The following CDH7 variants were observed in gnomAD, a reference collection of about 807,000 sequenced individuals.
CDH7 encodes the protein cadherin 7, also known as cadherin-7.
A neutral mutation model predicts 71.8 loss-of-function variants in CDH7; 25 were observed. The ratio of observed to expected loss-of-function variants is 0.35; its 90% CI spans 0.25 to 0.49. CDH7 has a LOEUF of 0.49. CDH7 is among the 20% of genes least tolerant of loss of function. CDH7 has a pLI of 0.99. For synonymous variants in CDH7, 381 were observed against 363.8 expected, an observed-to-expected ratio of 1.05 and a Z score of -0.54; for missense variants, 862 against 974.6, an observed-to-expected ratio of 0.88 and a Z score of 1.54.
intron 2 of CDH7, among the ~76,000 whole-genome samples, chr18:65,785,682 A>C (rs1236189351): frequency 6.6e-6 from 1 of 152,098 alleles, no homozygotes; most frequent in Non-Finnish European, 1.5e-5. Context: ...TATTTTCCTA[A>C]TGACATTAGT....
intron 6 of CDH7, among the ~76,000 whole-genome samples, chr18:65,842,141 C>A (rs1568214432): frequency 6.6e-6 from 1 of 152,092 alleles, no homozygotes; most frequent in Non-Finnish European, 1.5e-5. Context: ...GTTCAATTTT[C>A]AGCCTCTTGT....
intron 2 of CDH7, among the ~76,000 whole-genome samples, chr18:65,781,872 CT>C (rs1910246235): frequency 2.5e-5 from 2 of 80,966 alleles, no homozygotes; most frequent in African/African-American, 5.4e-5. Context: ...CTTTCTCTCT[CT>C]CTCTCTGTCT....
chr18:65,854,920 C>CGTATATATAT lies in CDH7; in HGVS notation c.1236-2896_1236-2895insGTATATATAT, dbSNP rs61208244. Among the ~76,000 whole-genome samples, 564 of 145,490 alleles carry CGTATATATAT rather than the reference C, an allele frequency of 3.9e-3. 3 individuals are homozygous for CGTATATATAT. Among genetic ancestry groups the CGTATATATAT allele is most frequent in the African/African-American group, 0.013 (511 of 40,138 alleles). ...CGTATGTATGTAGTATATGTGTACACATATATATATATACACACACATATA... is the reference window on the plus strand; with the variant it reads ...CGTATGTATGTAGTATATGTGTACACGTATATATATATATATATATATACACACACATATA... On this transcript the variant is annotated intron_variant, in intron 7 of 11. Transcript: ENST00000397968.
At chr18:65,874,769 A>G (rs1023212708) in intron 11 of CDH7, among the ~76,000 whole-genome samples, 1 of 151,926 alleles carries the variant, frequency 6.6e-6, no homozygotes, top group African/African-American at 2.4e-5. Flanking sequence ...GTATATATAG[A>G]TATGTGGCCT....
At chr18:65,765,058 G>C (rs891884587) in intron 2 of CDH7, among the ~76,000 whole-genome samples, 1 of 152,004 alleles carries the variant, frequency 6.6e-6, no homozygotes, top group Non-Finnish European at 1.5e-5. Context: ...AATCAAAGAA[G>C]GTCACTTATA....
At chr18:65,854,763 C>G (rs73534501) in intron 7 of CDH7, among the ~76,000 whole-genome samples, 3,499 of 152,120 alleles carry the variant, frequency 0.023, 123 homozygotes, top group African/African-American at 0.078. Context: ...TTAATTGATG[C>G]ATGAATGTAT....
rs575696036 is a variant in CDH7 at position 65,821,837 on chromosome 18, A to C, written c.626-244A>C. On this transcript the variant is annotated intron_variant, in intron 4 of 11. Transcript: ENST00000397968. The stretch of plus-strand genomic sequence containing the variant: ...TATTTCCTTAACCACTTTTCCATGA[A>C]ACCTAAAGATAATCCTCTTTATTCA... Among the ~76,000 whole-genome samples, 7 of 152,300 alleles carry C rather than the reference A, an allele frequency of 4.6e-5. No homozygotes were observed. In the East Asian group the frequency reaches 1.3e-3, roughly 29 times the overall value.
Position 65,882,755 on chromosome 18 carries a change from C to T in CDH7, c.*1861C>T, listed in dbSNP as rs1415273497. 6.6e-6 allele frequency: 1 copy of T among 151,964 alleles called. No individual in the cohort carries two copies. The highest frequency in any genetic ancestry group is 1.5e-5 in the Non-Finnish European group (1 of 67,954). The allele number at this position is 151,964 out of a possible 1,614,324, so 9.4% of individuals were successfully genotyped here. A position where few individuals can be genotyped will look rare whatever the true frequency, so the allele number is the denominator to read the frequency against. Reference sequence around the variant, plus strand: ...AATTATAACAGTGAAAGATACTGTTCATAACTTTTAATCACACATGCAAGT... The same window carrying T: ...AATTATAACAGTGAAAGATACTGTTTATAACTTTTAATCACACATGCAAGT... On this transcript the variant is annotated 3_prime_UTR_variant, in exon 12 of 12. Transcript: ENST00000397968.
At chr18:65,753,576 T>C (rs1383716156) in intron 1 of CDH7, among the ~76,000 whole-genome samples, 1 of 152,222 alleles carries the variant, frequency 6.6e-6, no homozygotes, top group Admixed American at 6.5e-5. Context: ...GGGTTTGAGA[T>C]GGAAGCTTTT....
At chr18:65,829,670 ACT>A (rs146442046) in intron 6 of CDH7, among the ~76,000 whole-genome samples, 11,156 of 150,996 alleles carry the variant, frequency 0.074, 631 homozygotes, top group African/African-American at 0.15. Context: ...CCCTTACCAT[ACT>A]CATCTTTTGA....
At chr18:65,781,767 T>TTTCCTTCCTTCCTTCC (rs1189209857) in intron 2 of CDH7, among the ~76,000 whole-genome samples, 4 of 75,508 alleles carry the variant, frequency 5.3e-5, no homozygotes, top group South Asian at 5.3e-4. Context: ...TCTTTCTTTC[T>TTTCCTTCCTTCCTTCC]TTCCTTCCTT....
chr18:65,769,011 A>AT (rs1264315382), intron 2 of CDH7, among the ~76,000 whole-genome samples: 1 of 152,136 alleles, frequency 6.6e-6, no homozygotes. Flanking sequence ...GCATTAAAAA[A>AT]TAAACTCTTT....
chr18:65,862,121 T>C (rs2144036943), intron 10 of CDH7, among the ~76,000 whole-genome samples: 1 of 152,210 alleles, frequency 6.6e-6, no homozygotes, highest in African/African-American at 2.4e-5. Flanking sequence ...TAGCTATAAA[T>C]ACCTATATAT....
intron 11 of CDH7, among the ~76,000 whole-genome samples, chr18:65,869,396 G>C (rs1424215278): frequency 6.6e-6 from 1 of 151,996 alleles, no homozygotes; most frequent in Non-Finnish European, 1.5e-5. Flanking sequence ...AGACTCTCCA[G>C]TACCAGACAG....
At chr18:65,870,912 A>G (rs1196510858) in intron 11 of CDH7, among the ~76,000 whole-genome samples, 2 of 152,216 alleles carry the variant, frequency 1.3e-5, no homozygotes, top group Admixed American at 6.5e-5. Flanking sequence ...AGGCACATAT[A>G]GAGACAATAT....
chr18:65,797,349 T>A (rs1057462159), intron 2 of CDH7, among the ~76,000 whole-genome samples: 8 of 152,164 alleles, frequency 5.3e-5, no homozygotes. Context: ...TTTCTGCCAA[T>A]TTTATTACAT....
At chr18:65,758,081 TA>T (rs1246237232) in intron 1 of CDH7, among the ~76,000 whole-genome samples, 4 of 152,226 alleles carry the variant, frequency 2.6e-5, no homozygotes, top group Admixed American at 6.5e-5. Context: ...CATTTAAATG[TA>T]ATAAAAGTTA....
rs535537571 is a variant in CDH7 at position 65,801,789 on chromosome 18, T to C, written c.211-7915T>C. ...TACTTTAGAAAATTCTCTCTTTAGATGATACAAGTGTTGACATTTTCTCCC... is the reference window on the plus strand; with the variant it reads ...TACTTTAGAAAATTCTCTCTTTAGACGATACAAGTGTTGACATTTTCTCCC... On this transcript the variant is annotated intron_variant, in intron 2 of 11. Transcript: ENST00000397968. Among the ~76,000 whole-genome samples, 16 of 152,252 alleles carry C rather than the reference T, an allele frequency of 1.1e-4. 1 individual carries two copies. The highest frequency in any genetic ancestry group is 6.3e-3 in the Middle Eastern group (2 of 316).
intron 7 of CDH7, among the ~76,000 whole-genome samples, chr18:65,852,457 A>G (rs948854284): frequency 2.6e-5 from 4 of 152,106 alleles, no homozygotes; most frequent in Non-Finnish European, 5.9e-5. Context: ...TGCCATCAAG[A>G]GCCTTCACTT....
Sources: allele counts gnomAD v4.1 joint callset (sites outside exome capture counted in the v4.1 genomes callset), GRCh38; gene constraint gnomAD v4.1.1; transcripts MANE v1.5; gene names NCBI Gene and HGNC (gene_info 2026-07-23, HGNC 2026-07-21).